CIMAP2: variants seen among roughly 807,000 people sequenced by gnomAD.
CIMAP2 encodes the protein ciliary microtubule-associated protein 2.
the CIMAP2 span, among the ~76,000 whole-genome samples, chr1:54,829,049 T>C: frequency 0.6 from 90,739 of 152,122 alleles, 27,970 homozygotes; most frequent in South Asian, 0.73. Flanking sequence ...TATGGAGGAC[T>C]AAGCACCACA....
chr1:54,811,931 G>C, the CIMAP2 span: 6 of 1,613,954 alleles, frequency 3.7e-6, no homozygotes, highest in African/African-American at 8.0e-5. Flanking sequence ...GGCCTCATCA[G>C]GTACCCCCTC....
At chr1:54,811,779 A>ACCCCCCCCCCCCCCCC in the CIMAP2 span, 7 of 286,568 alleles carry the variant, frequency 2.4e-5, no homozygotes, top group Non-Finnish European at 3.4e-5. Context: ...CCATGCCCCC[A>ACCCCCCCCCCCCCCCC]CCCCCGCCCC....
At chr1:54,826,624 C>T in the CIMAP2 span, among the ~76,000 whole-genome samples, 1 of 152,222 alleles carries the variant, frequency 6.6e-6, no homozygotes, top group Non-Finnish European at 1.5e-5. Context: ...CCAGAAGTCC[C>T]CTGTATTAGT....
At chr1:54,835,595 G>A in the CIMAP2 span, among the ~76,000 whole-genome samples, 1 of 152,160 alleles carries the variant, frequency 6.6e-6, no homozygotes, top group Non-Finnish European at 1.5e-5. Flanking sequence ...GAGAAAAAGT[G>A]ATTTTCCAAA....
At chr1:54,820,252 C>T in the CIMAP2 span, among the ~76,000 whole-genome samples, 16 of 151,742 alleles carry the variant, frequency 1.1e-4, no homozygotes, top group Admixed American at 7.9e-4. Flanking sequence ...ACTGCAGCCT[C>T]GACTTCTCAG....
chr1:54,841,490 C>T, the CIMAP2 span: 7 of 1,464,244 alleles, frequency 4.8e-6, no homozygotes, highest in Non-Finnish European at 9.2e-7. Context: ...GGTCCTTGGT[C>T]TTCCTCTCAG....
the CIMAP2 span, among the ~76,000 whole-genome samples, chr1:54,823,756 T>C: frequency 1.3e-5 from 2 of 152,246 alleles, no homozygotes; most frequent in Admixed American, 6.5e-5. Context: ...CTTAATACTT[T>C]TGTATGTTTT....
chr1:54,836,286 TG>T, the CIMAP2 span, among the ~76,000 whole-genome samples: 5 of 98 alleles, frequency 0.051, no homozygotes, highest in Non-Finnish European at 0.1. Context: ...CCTGCCCGCC[TG>T]CCTGCCTGCC....
the CIMAP2 span, chr1:54,807,379 G>T: frequency 1.9e-6 from 2 of 1,055,470 alleles, no homozygotes; most frequent in Non-Finnish European, 2.7e-6. Context: ...CAAGCCTGTT[G>T]GTGCCAGCCT....
chr1:54,808,369 C>T, the CIMAP2 span, among the ~76,000 whole-genome samples: 11 of 152,214 alleles, frequency 7.2e-5, no homozygotes, highest in East Asian at 1.7e-3. Context: ...AGGAAACCTA[C>T]AGGTCGTGAG....
the CIMAP2 span, chr1:54,807,214 C>A: frequency 3.9e-6 from 4 of 1,034,170 alleles, no homozygotes; most frequent in Non-Finnish European, 6.0e-6. Context: ...CAGAGCTGGA[C>A]CCACAGTGGG....
At chr1:54,813,668 C>T in the CIMAP2 span, 1 of 800,742 alleles carries the variant, frequency 1.2e-6, no homozygotes. Flanking sequence ...GGCCTTGAGG[C>T]TGGCCCGGCC....
At chr1:54,816,301 TC>T in the CIMAP2 span, among the ~76,000 whole-genome samples, 1 of 152,170 alleles carries the variant, frequency 6.6e-6, no homozygotes, top group Admixed American at 6.5e-5. Context: ...TCCTAACATC[TC>T]CCCAGCCCAC....
At chr1:54,811,766 C>CGGGGGGGGGGGGGGCGCCGG in the CIMAP2 span, 1 of 1,305,190 alleles carries the variant, frequency 7.7e-7, no homozygotes, top group Non-Finnish European at 1.1e-6. Context: ...GTTCTGACAG[C>CGGGGGGGGGGGGGGCGCCGG]CTCCATGCCC....
the CIMAP2 span, among the ~76,000 whole-genome samples, chr1:54,808,612 C>CGGGAG: frequency 1.5e-5 from 1 of 67,344 alleles, no homozygotes; most frequent in East Asian, 3.4e-4. Flanking sequence ...CAGGTGCTGC[C>CGGGAG]GGGGGAGGGC....
the CIMAP2 span, among the ~76,000 whole-genome samples, chr1:54,831,176 T>A: frequency 6.6e-6 from 1 of 152,234 alleles, no homozygotes; most frequent in Non-Finnish European, 1.5e-5. Context: ...ACTGTTTATA[T>A]AATTCTCAAG....
the CIMAP2 span, chr1:54,812,293 G>A: frequency 9.4e-6 from 14 of 1,485,802 alleles, no homozygotes; most frequent in East Asian, 4.8e-5. Context: ...GCTCTGCACC[G>A]GGCCTTTCCC....
the CIMAP2 span, among the ~76,000 whole-genome samples, chr1:54,834,490 AGCAAAGTT>A: frequency 7.9e-5 from 12 of 152,346 alleles, no homozygotes; most frequent in Admixed American, 5.9e-4. Context: ...TCAAACATAT[AGCAAAGTT>A]GAAAGAATTT....
the CIMAP2 span, among the ~76,000 whole-genome samples, chr1:54,839,384 TTA>T: frequency 6.7e-5 from 1 of 14,878 alleles, no homozygotes; most frequent in East Asian, 1.6e-3. Flanking sequence ...ATTTATTTAT[TTA>T]TTTTTCGAGA....
Sources: allele counts gnomAD v4.1 joint callset (sites outside exome capture counted in the v4.1 genomes callset), GRCh38; gene constraint gnomAD v4.1.1; transcripts MANE v1.5; gene names NCBI Gene and HGNC (gene_info 2026-07-23, HGNC 2026-07-21).